ANKH: variants seen among roughly 807,000 people sequenced by gnomAD.
ANKH encodes the protein ANKH inorganic pyrophosphate transport regulator, also known as mineralization regulator ANKH.
Under a neutral mutation model 49.0 loss-of-function variants are expected in ANKH, and 15 were observed. The ratio of observed to expected loss-of-function variants is 0.31; its 90% CI spans 0.20 to 0.47. The LOEUF is 0.47. Among genes scored for constraint, ANKH ranks in the 20% least tolerant of loss-of-function variants. The probability of loss-of-function intolerance (pLI) is 1.00; values close to 1 mark genes in which losing one functional copy is unlikely to be tolerated. For missense variants in ANKH, 429 were observed against 652.0 expected (o/e 0.66, Z 3.72); for synonymous variants, 273 against 260.0 (o/e 1.05, Z -0.48).
At chr5:14,859,859 G>A (rs1174662295) in intron 1 of ANKH, among the ~76,000 whole-genome samples, 1 of 152,210 alleles carries the variant, frequency 6.6e-6, no homozygotes, top group Non-Finnish European at 1.5e-5. Context: ...CAAAAACAAA[G>A]GAGATTCTAC....
intron 1 of ANKH, among the ~76,000 whole-genome samples, chr5:14,816,375 T>C (rs565949728): frequency 6.6e-6 from 1 of 152,328 alleles, no homozygotes; most frequent in Non-Finnish European, 1.5e-5. Context: ...TCTTCTAAAC[T>C]TCAAATTGTT....
intron 1 of ANKH, among the ~76,000 whole-genome samples, chr5:14,789,775 A>T (rs536626462): frequency 6.6e-6 from 1 of 152,164 alleles, no homozygotes. Context: ...CAGTGGTGCG[A>T]TCTCAGCTCA....
intron 1 of ANKH, among the ~76,000 whole-genome samples, chr5:14,776,418 A>G (rs1270741288): frequency 2.6e-5 from 4 of 152,200 alleles, no homozygotes; most frequent in African/African-American, 7.2e-5. Flanking sequence ...TAGAATTTAA[A>G]GCTAGGGGAC....
rs554012121 is a variant in ANKH, at chr5:14,823,517, G to C, written c.96+47835C>G. Among the ~76,000 whole-genome samples, 6 of 152,302 alleles carry C rather than the reference G, an allele frequency of 3.9e-5. No homozygotes were observed. In the East Asian group the frequency reaches 1.2e-3, roughly 29 times the overall value. ...GGGTGATCCTTCTAGAAATAATTCAGGAATTGAGAGACTGAGAGAGAAAAA... is the reference window on the plus strand; with the variant it reads ...GGGTGATCCTTCTAGAAATAATTCACGAATTGAGAGACTGAGAGAGAAAAA... On this transcript the variant is annotated intron_variant, in intron 1 of 11. Coordinates refer to ENST00000284268, the MANE Select transcript of ANKH (RefSeq NM_054027.6).
chr5:14,776,458 T>C (rs1739625335), intron 1 of ANKH, among the ~76,000 whole-genome samples: 1 of 152,020 alleles, frequency 6.6e-6, no homozygotes, highest in Admixed American at 6.6e-5. Context: ...AGAACAGAGA[T>C]AGGAAAAAAG....
At position 14,843,801 on chromosome 5, in the gene ANKH, A is replaced by T. The variant is rs1741882924; in HGVS notation, c.96+27551T>A. Among the ~76,000 whole-genome samples, 10 of 152,296 alleles carry T rather than the reference A, an allele frequency of 6.6e-5. No homozygotes were observed. The South Asian group carries it at 2.1e-3, about 32-fold the overall frequency. On this transcript the variant is annotated intron_variant, in intron 1 of 11. Coordinates refer to ENST00000284268, the MANE Select transcript of ANKH (RefSeq NM_054027.6). ...AGGATGGAAAAGAAGCAGTAAGGAT[A>T]ACTTAAGGGTTACAATAAAGAAATC...
At chr5:14,741,249 C>T (rs16903681) in intron 8 of ANKH, 15,368 of 155,834 alleles carry the variant, frequency 0.099, 996 homozygotes, top group African/African-American at 0.17. Flanking sequence ...ACGAAGGATG[C>T]GTGTTGTTTA....
Position 14,708,427 on chromosome 5 carries a change from G to A in ANKH, c.*2770C>T, listed in dbSNP as rs563898623. 5 of 152,336 alleles carry A rather than the reference G, an allele frequency of 3.3e-5. No individual in the cohort carries two copies. In the East Asian group the frequency reaches 7.7e-4, roughly 23 times the overall value. 9.4% of individuals were successfully genotyped at this position (152,336 alleles called of 1,614,324 possible). A position where few individuals can be genotyped will look rare whatever the true frequency, so the allele number is the denominator to read the frequency against. On this transcript the variant is annotated 3_prime_UTR_variant, in exon 12 of 12. Coordinates refer to ENST00000284268, the MANE Select transcript of ANKH (RefSeq NM_054027.6). ...GTAACTTTCTAAAATGCAGCTGTCA[G>A]CTGAATGCCCTACAATGAAAAATAA...
rs1361435359 is a variant in ANKH at position 14,721,917 on chromosome 5, G to A, written c.1012-5082C>T. ...TGCACTCCAGCCTGGGCGACAGAGCGAGACTCCGTCTCAAAAAAAAAAAAA... is the reference window on the plus strand; with the variant it reads ...TGCACTCCAGCCTGGGCGACAGAGCAAGACTCCGTCTCAAAAAAAAAAAAA... On this transcript the variant is annotated intron_variant, in intron 8 of 11. Transcript: ENST00000284268. Among the ~76,000 whole-genome samples the A allele has an allele frequency of 1.1e-3, 117 of 103,138 alleles. 2 individuals are homozygous for A. Among genetic ancestry groups the A allele is most frequent in the Admixed American group, 2.8e-3 (18 of 6,528 alleles). The allele number at this position is 103,138 out of a possible 152,430, so 67.7% of individuals were successfully genotyped here. A position where few individuals can be genotyped will look rare whatever the true frequency, so the allele number is the denominator to read the frequency against.
intron 8 of ANKH, among the ~76,000 whole-genome samples, chr5:14,717,519 C>T (rs574126217): frequency 1.3e-5 from 2 of 152,354 alleles, no homozygotes; most frequent in East Asian, 3.9e-4. Flanking sequence ...CGGCACAGGT[C>T]CTTCCAGAGA....
At chr5:14,859,449 T>C (rs1223479423) in intron 1 of ANKH, among the ~76,000 whole-genome samples, 1 of 152,212 alleles carries the variant, frequency 6.6e-6, no homozygotes, top group Non-Finnish European at 1.5e-5. Context: ...TGTCTGAACA[T>C]CAAAATGATC....
At chr5:14,843,098 A>G (rs1310343370) in intron 1 of ANKH, among the ~76,000 whole-genome samples, 1 of 151,932 alleles carries the variant, frequency 6.6e-6, no homozygotes, top group African/African-American at 2.4e-5. Context: ...ATTGCCTACA[A>G]CTCAGCAGCA....
At chr5:14,716,022 TTTAAA>T (rs374475065) in intron 9 of ANKH, among the ~76,000 whole-genome samples, 17 of 151,732 alleles carry the variant, frequency 1.1e-4, no homozygotes, top group African/African-American at 3.4e-4. Context: ...GATTTCACTT[TTTAAA>T]TTAAAGTATT....
intron 1 of ANKH, among the ~76,000 whole-genome samples, chr5:14,857,677 A>C (rs954768885): frequency 1.3e-5 from 2 of 152,188 alleles, no homozygotes; most frequent in African/African-American, 2.4e-5. Flanking sequence ...AGAAAAAAAA[A>C]CTTAATAGAT....
chr5:14,831,507 T>C (rs967659469), intron 1 of ANKH, among the ~76,000 whole-genome samples: 1 of 152,086 alleles, frequency 6.6e-6, no homozygotes, highest in Admixed American at 6.5e-5. Flanking sequence ...TCATCCACAG[T>C]TCCATGATCC....
chr5:14,734,234 T>C (rs752960767), intron 8 of ANKH, among the ~76,000 whole-genome samples: 49 of 152,126 alleles, frequency 3.2e-4, no homozygotes, highest in Non-Finnish European at 4.1e-4. Context: ...GCCGTAATCA[T>C]TTTTCCCCCC....
chr5:14,815,770 TG>T (rs1228592710), intron 1 of ANKH, among the ~76,000 whole-genome samples: 2 of 152,148 alleles, frequency 1.3e-5, no homozygotes, highest in Non-Finnish European at 2.9e-5. Context: ...CGACCACAAG[TG>T]TCCAGGAGCA....
At position 14,707,688 on chromosome 5, in the gene ANKH, CAGAG is replaced by C. The variant is rs1315498346; in HGVS notation, c.*3505_*3508del. On this transcript the variant is annotated 3_prime_UTR_variant, in exon 12 of 12. Coordinates refer to ENST00000284268, the MANE Select transcript of ANKH (RefSeq NM_054027.6). ...CCCAAGGTTATTTATTGGGAAGACT[CAGAG>C]AGTGAAGTATAAAGTGCTTTTACTA... is the stretch of plus-strand genomic sequence containing the variant. 6.6e-6 allele frequency: 1 copy of C among 152,118 alleles called. No individual in the cohort carries two copies. The highest frequency in any genetic ancestry group is 2.4e-5 in the African/African-American group (1 of 41,418). The allele number at this position is 152,118 out of a possible 1,614,324, so 9.4% of individuals were successfully genotyped here.
chr5:14,783,792 GA>G (rs1739888094), intron 1 of ANKH, among the ~76,000 whole-genome samples: 1 of 152,194 alleles, frequency 6.6e-6, no homozygotes, highest in Non-Finnish European at 1.5e-5. Flanking sequence ...CTAAAGATGG[GA>G]AAATGAATTC....
Sources: allele counts gnomAD v4.1 joint callset (sites outside exome capture counted in the v4.1 genomes callset), GRCh38; gene constraint gnomAD v4.1.1; transcripts MANE v1.5; gene names NCBI Gene and HGNC (gene_info 2026-07-23, HGNC 2026-07-21).